The following TCF4 variants were observed in gnomAD, a reference collection of about 807,000 sequenced individuals.
The protein encoded by TCF4 is transcription factor 4, also known as SL3-3 enhancer factor 2.
Under a neutral mutation model 82.1 loss-of-function variants are expected in TCF4, and 3 were observed. The observed-to-expected ratio is 0.04, with a 90% CI of 0.02 to 0.09. TCF4 has a LOEUF of 0.09. Ranked by LOEUF, TCF4 falls within the 10% of genes least tolerant of loss-of-function variation. The pLI is 1.00. For missense variants in TCF4, 518 were observed against 852.7 expected, an observed-to-expected ratio of 0.61 and a Z score of 4.89; for synonymous variants, 276 against 309.6, an observed-to-expected ratio of 0.89 and a Z score of 1.14.
At chr18:55,516,143 T>G (rs1211950641) in intron 3 of TCF4, among the ~76,000 whole-genome samples, 2 of 152,116 alleles carry the variant, frequency 1.3e-5, no homozygotes, top group Non-Finnish European at 2.9e-5. Context: ...GACAGGGCTG[T>G]AGATGGAAAA....
intron 3 of TCF4, among the ~76,000 whole-genome samples, chr18:55,490,268 T>C (rs954669787): frequency 2.0e-5 from 3 of 152,180 alleles, no homozygotes; most frequent in Admixed American, 6.5e-5. Context: ...AGATTCAAGA[T>C]ATTTTTTATT....
intron 8 of TCF4, among the ~76,000 whole-genome samples, chr18:55,280,111 G>A (rs1371529377): frequency 6.6e-6 from 1 of 152,072 alleles, no homozygotes; most frequent in Non-Finnish European, 1.5e-5. Flanking sequence ...GAGGTAGGGA[G>A]GGGGGAGACA....
rs905235395 is a variant in TCF4, at chr18:55,585,724, C to T, written c.73-372G>A. On this transcript the variant is annotated intron_variant, in intron 2 of 19. Transcript: ENST00000354452. ...AGTTGTTTTGTTTTATATTGAAAAC[C>T]TTGGCCATAAACGTGGCAATGTCCA... The T allele has an allele frequency of 2.9e-5, 32 of 1,089,070 alleles. No individual in the cohort carries two copies. In the South Asian group the frequency reaches 7.9e-4, roughly 27 times the overall value. 67.5% of individuals were successfully genotyped at this position (1,089,070 alleles called of 1,614,324 possible). A position where few individuals can be genotyped will look rare whatever the true frequency, so the allele number is the denominator to read the frequency against.
intron 3 of TCF4, among the ~76,000 whole-genome samples, chr18:55,581,034 T>A (rs2097570698): frequency 6.6e-6 from 1 of 151,876 alleles, no homozygotes; most frequent in Admixed American, 6.6e-5. Flanking sequence ...TTACCCAACA[T>A]CATGCAAAAC....
At chr18:55,619,441 CT>C (rs2147978588) in intron 2 of TCF4, among the ~76,000 whole-genome samples, 1 of 152,148 alleles carries the variant, frequency 6.6e-6, no homozygotes, top group East Asian at 1.9e-4. Flanking sequence ...TTTGTATGCT[CT>C]ATTTTGGATA....
chr18:55,408,440 T>C (rs2094197141), intron 5 of TCF4, among the ~76,000 whole-genome samples: 1 of 152,170 alleles, frequency 6.6e-6, no homozygotes, highest in Non-Finnish European at 1.5e-5. Context: ...CCTGTGAATC[T>C]ATATATATGT....
chr18:55,366,090 T>C (rs2087039845), intron 6 of TCF4, among the ~76,000 whole-genome samples: 1 of 152,098 alleles, frequency 6.6e-6, no homozygotes, highest in African/African-American at 2.4e-5. Flanking sequence ...AAATCTTCTA[T>C]GAACTGAAAG....
chr18:55,425,766 C>T (rs2094953701), intron 5 of TCF4, among the ~76,000 whole-genome samples: 3 of 152,182 alleles, frequency 2.0e-5, no homozygotes, highest in Admixed American at 2.0e-4. Flanking sequence ...ACACGATCTC[C>T]TCCCCCTTCC....
intron 3 of TCF4, among the ~76,000 whole-genome samples, chr18:55,575,315 T>C (rs74509138): frequency 0.029 from 4,442 of 152,256 alleles, 89 homozygotes; most frequent in Non-Finnish European, 0.044. Context: ...CAAAGAACAA[T>C]TATTCAAACA....
intron 6 of TCF4, among the ~76,000 whole-genome samples, chr18:55,388,220 G>T (rs757499658): frequency 1.3e-5 from 2 of 152,216 alleles, no homozygotes; most frequent in Non-Finnish European, 2.9e-5. Flanking sequence ...CTTCTTCCCA[G>T]TTCTCCCCAT....
rs1347583827 is a variant in TCF4 at position 55,224,927 on chromosome 18, G to C, written c.*3108C>G. The stretch of plus-strand genomic sequence containing the variant: ...GTCGTCATACAGATAGCGTAGTATG[G>C]ACCCTTTTGAAATTTTTGTATAGTA... On this transcript the variant is annotated 3_prime_UTR_variant, in exon 20 of 20. Coordinates refer to ENST00000354452, the MANE Select transcript of TCF4 (RefSeq NM_001083962.2). 6.6e-6 allele frequency: 1 copy of C among 152,338 alleles called. No individual in the cohort carries two copies. The highest frequency in any genetic ancestry group is 1.5e-5 in the Non-Finnish European group (1 of 68,010). The allele number at this position is 152,338 out of a possible 1,614,324, so 9.4% of individuals were successfully genotyped here. A position where few individuals can be genotyped will look rare whatever the true frequency, so the allele number is the denominator to read the frequency against.
At chr18:55,546,331 C>A (rs375382612) in intron 3 of TCF4, among the ~76,000 whole-genome samples, 14 of 151,392 alleles carry the variant, frequency 9.2e-5, no homozygotes, top group African/African-American at 3.4e-4. Context: ...AGAGAGAGAC[C>A]CTGTCTTTAA....
At chr18:55,276,853 G>A (rs771510848) in intron 9 of TCF4, among the ~76,000 whole-genome samples, 2 of 152,080 alleles carry the variant, frequency 1.3e-5, no homozygotes, top group African/African-American at 2.4e-5. Flanking sequence ...ACTGTATTTC[G>A]TGAAGCTCTT....
intron 5 of TCF4, among the ~76,000 whole-genome samples, chr18:55,448,120 T>C (rs1414912286): frequency 6.6e-6 from 1 of 152,184 alleles, no homozygotes; most frequent in Non-Finnish European, 1.5e-5. Context: ...CAAAATACTA[T>C]TGTCTAGGAA....
intron 3 of TCF4, among the ~76,000 whole-genome samples, chr18:55,512,188 C>G (rs72932708): frequency 0.14 from 20,928 of 152,150 alleles, 1,843 homozygotes; most frequent in Non-Finnish European, 0.2. Context: ...CCCTAGGAAA[C>G]TATCCTAATA....
chr18:55,577,236 TTA>T (rs1568443880), intron 3 of TCF4, among the ~76,000 whole-genome samples: 3 of 146,564 alleles, frequency 2.0e-5, no homozygotes, highest in Non-Finnish European at 4.5e-5. Flanking sequence ...GTTTATATAT[TTA>T]TATATGTATA....
chr18:55,433,608 G>A (rs923526702), intron 5 of TCF4, among the ~76,000 whole-genome samples: 3 of 152,234 alleles, frequency 2.0e-5, no homozygotes, highest in East Asian at 3.8e-4. Context: ...TATGGACTGA[G>A]AGACCAGAGA....
intron 5 of TCF4, among the ~76,000 whole-genome samples, chr18:55,434,810 G>A (rs550954182): frequency 1.6e-5 from 2 of 124,870 alleles, no homozygotes; most frequent in South Asian, 5.5e-4. Context: ...TTTAATTTTT[G>A]TAGGTACATA....
intron 11 of TCF4, chr18:55,268,945 C>T (rs1398454566): frequency 1.3e-5 from 2 of 152,104 alleles, no homozygotes; most frequent in Non-Finnish European, 2.9e-5. Context: ...TAATAAGACC[C>T]TGGGGCACTA....
Sources: allele counts gnomAD v4.1 joint callset (sites outside exome capture counted in the v4.1 genomes callset), GRCh38; gene constraint gnomAD v4.1.1; transcripts MANE v1.5; gene names NCBI Gene and HGNC (gene_info 2026-07-23, HGNC 2026-07-21).